Variants in SAP30L observed in about 807,000 individuals in gnomAD.
The protein encoded by SAP30L is SAP30 like.
In SAP30L, 10 loss-of-function variants were observed where a neutral mutation model predicts 22.3. That is an observed-to-expected ratio of 0.45 (90% CI 0.28 to 0.76). The LOEUF is 0.76. SAP30L is among the 30% of genes least tolerant of loss of function. SAP30L has a pLI of 0.14. For synonymous variants in SAP30L, 91 were observed against 94.1 expected, an observed-to-expected ratio of 0.97 and a Z score of 0.19; for missense variants, 206 against 237.9, an observed-to-expected ratio of 0.87 and a Z score of 0.88.
In SAP30L at chr5:154,451,174, T is replaced by C; in HGVS notation, c.285T>C (p.Asp95=). The change falls in exon 2 of 4, where the codon GAT becomes GAC. Residue 95 remains aspartate (D), a synonymous_variant. Coordinates refer to ENST00000297109, the MANE Select transcript of SAP30L (RefSeq NM_024632.6). ...RNKRKRKTSD[D]GGDSPEHDTD... The stretch of plus-strand genomic sequence containing the variant: ...AAAGGAAGAGGAAGACAAGTGACGA[T>C]GGCGGAGATTCTCCCGAGCACGACA... 1.2e-6 allele frequency: 2 copies of C among 1,614,182 alleles called. No individual in the cohort carries two copies. Among genetic ancestry groups the C allele is most frequent in the Non-Finnish European group, 8.5e-7 (1 of 1,180,026 alleles).
intron 1 of SAP30L, 56 bp downstream of exon 1, chr5:154,446,861 G>A (rs886540449): frequency 6.5e-5 from 96 of 1,483,490 alleles, no homozygotes; most frequent in Non-Finnish European, 8.6e-5. Context: ...TCCGTCCGCT[G>A]CCCTGGGCTC....
intron 3 of SAP30L, among the ~76,000 whole-genome samples, chr5:154,453,876 G>C (rs1470663531): frequency 1.3e-5 from 2 of 152,192 alleles, no homozygotes; most frequent in East Asian, 1.9e-4. Context: ...ACCCAGGCTA[G>C]AGTGCAGTGG....
At chr5:154,447,976 T>C (rs1183011555) in intron 1 of SAP30L, among the ~76,000 whole-genome samples, 1 of 114,156 alleles carries the variant, frequency 8.8e-6, no homozygotes, top group Non-Finnish European at 1.9e-5. Flanking sequence ...TTTCTTTTTT[T>C]TTTTTTTTTT....
At position 154,458,118 on chromosome 5, in the gene SAP30L, A is replaced by G. The variant is rs1247378756; in HGVS notation, c.*2090A>G. On this transcript the variant is annotated 3_prime_UTR_variant, in exon 4 of 4. Transcript: ENST00000297109. ...TATGATGGTAGGATCCATCTGTTCAATTGTGTCTGAAAGAATCTTTATTCC... is the reference window on the plus strand; with the variant it reads ...TATGATGGTAGGATCCATCTGTTCAGTTGTGTCTGAAAGAATCTTTATTCC... The G allele has an allele frequency of 2.0e-5, 3 of 152,210 alleles. No homozygotes were observed. Among genetic ancestry groups the G allele is most frequent in the Non-Finnish European group, 4.4e-5 (3 of 68,030 alleles). 9.4% of individuals were successfully genotyped at this position (152,210 alleles called of 1,614,324 possible). A position where few individuals can be genotyped will look rare whatever the true frequency, so the allele number is the denominator to read the frequency against.
intron 3 of SAP30L, among the ~76,000 whole-genome samples, chr5:154,453,760 C>G (rs1561702530): frequency 6.6e-6 from 1 of 152,200 alleles, no homozygotes; most frequent in Non-Finnish European, 1.5e-5. Flanking sequence ...AGAATTGAGC[C>G]TGGGATCTCA....
rs954382710 is a variant in SAP30L, at chr5:154,457,438, TTAAA to T, written c.*1414_*1417del. On this transcript the variant is annotated 3_prime_UTR_variant, in exon 4 of 4. Transcript: ENST00000297109. Reference sequence around the variant, plus strand: ...CAATTCTGAGTTAATTTCTTAAGCCTTAAATAATAAGAACAATGGACAGCCTGGC... The same window carrying T: ...CAATTCTGAGTTAATTTCTTAAGCCTTAATAAGAACAATGGACAGCCTGGC... 2.6e-5 allele frequency: 4 copies of T among 152,208 alleles called. No homozygotes were observed. The highest frequency in any genetic ancestry group is 9.7e-5 in the African/African-American group (4 of 41,450). The allele number at this position is 152,208 out of a possible 1,614,324, so 9.4% of individuals were successfully genotyped here.
At chr5:154,450,684 C>T (rs1386243135) in intron 1 of SAP30L, among the ~76,000 whole-genome samples, 1 of 152,136 alleles carries the variant, frequency 6.6e-6, no homozygotes, top group Non-Finnish European at 1.5e-5. Context: ...GACACTGTAC[C>T]CTGGGCCTCC....
chr5:154,455,955 A>G lies in SAP30L; in HGVS notation c.479A>G (p.Tyr160Cys), dbSNP rs762026271. Reference sequence around the variant, plus strand: ...GTGAATGAAAAAGAGACCCTTGCCTACTTCATCTACATGGTGAAGAGTAAC... The same window carrying G: ...GTGAATGAAAAAGAGACCCTTGCCTGCTTCATCTACATGGTGAAGAGTAAC... The part of the protein sequence containing the change: ...IPVNEKETLA[Y>C]FIYMVKSNKS... The change falls in exon 4 of 4, where the codon TAC (tyrosine) becomes TGC (cysteine). Residue 160 changes from tyrosine (Y) to cysteine (C), a missense_variant. By Grantham distance (194) the Tyr-to-Cys change is radical. Coordinates refer to ENST00000297109, the MANE Select transcript of SAP30L (RefSeq NM_024632.6). The G allele has an allele frequency of 6.2e-7, 1 of 1,614,144 alleles. No individual in the cohort carries two copies. The highest frequency in any genetic ancestry group is 1.1e-5 in the South Asian group (1 of 91,086).
Position 154,446,590 on chromosome 5 carries a change from G to T in SAP30L, c.-15G>T. On this transcript the variant is annotated 5_prime_UTR_variant, in exon 1 of 4. Transcript: ENST00000297109. ...CGGGGACCCTCCCCCAGAGGGACCG[G>T]CCCGGGGCGGGGAGATGAACGGCTT... 6.8e-7 allele frequency: 1 copy of T among 1,463,484 alleles called. No homozygotes were observed. The highest frequency in any genetic ancestry group is 1.4e-5 in the South Asian group (1 of 71,238). 90.7% of individuals were successfully genotyped at this position (1,463,484 alleles called of 1,614,324 possible). A position where few individuals can be genotyped will look rare whatever the true frequency, so the allele number is the denominator to read the frequency against.
intron 1 of SAP30L, among the ~76,000 whole-genome samples, chr5:154,447,228 C>T (rs1295959934): frequency 6.6e-6 from 1 of 152,214 alleles, no homozygotes; most frequent in Non-Finnish European, 1.5e-5. Flanking sequence ...AGAAAGGTGG[C>T]AGTTACTTCC....
At chr5:154,450,225 C>T (rs1485519418) in intron 1 of SAP30L, among the ~76,000 whole-genome samples, 1 of 152,250 alleles carries the variant, frequency 6.6e-6, no homozygotes, top group African/African-American at 2.4e-5. Flanking sequence ...CCTTCACTTA[C>T]CAGTGTGCCT....
intron 2 of SAP30L, among the ~76,000 whole-genome samples, chr5:154,452,007 T>A (rs1757151512): frequency 6.6e-6 from 1 of 152,190 alleles, no homozygotes; most frequent in South Asian, 2.1e-4. Context: ...CAGGTGCCCG[T>A]GTCTATTAAG....
rs1757319167 is a variant in SAP30L, at chr5:154,458,921, T to TA, written c.*2894dup. The TA allele has an allele frequency of 1.3e-5, 2 of 152,382 alleles. No homozygotes were observed. Among genetic ancestry groups the TA allele is most frequent in the African/African-American group, 4.8e-5 (2 of 41,592 alleles). The allele number at this position is 152,382 out of a possible 1,614,324, so 9.4% of individuals were successfully genotyped here. On this transcript the variant is annotated 3_prime_UTR_variant, in exon 4 of 4. Coordinates refer to ENST00000297109, the MANE Select transcript of SAP30L (RefSeq NM_024632.6). Reference sequence around the variant, plus strand: ...ATGAAGAGGAATTTTACTTACATGTTACAGCTGCCAAGTTTTTAGATGTTC... The same window carrying TA: ...ATGAAGAGGAATTTTACTTACATGTTAACAGCTGCCAAGTTTTTAGATGTTC...
rs1281003652 is a variant in SAP30L at position 154,456,225 on chromosome 5, ACT to A, written c.*200_*201del. The A allele has an allele frequency of 4.7e-6, 2 of 423,030 alleles. No homozygotes were observed. The highest frequency in any genetic ancestry group is 8.1e-6 in the Non-Finnish European group (2 of 246,204). 26.2% of individuals were successfully genotyped at this position (423,030 alleles called of 1,614,324 possible). ...TATAGAAAGACTTTCTTTTACGATA[ACT>A]CTGGACTAAAAAAATCAGGATCATT... On this transcript the variant is annotated 3_prime_UTR_variant, in exon 4 of 4. Coordinates refer to ENST00000297109, the MANE Select transcript of SAP30L (RefSeq NM_024632.6).
Position 154,460,474 on chromosome 5 carries a change from G to C in SAP30L, c.*4446G>C, listed in dbSNP as rs1042849878. ...CAGATGAGCTCAAGATCATGCCTTG[G>C]GAAGCATGGTGCTCTAGGGGTGCCT... On this transcript the variant is annotated 3_prime_UTR_variant, in exon 4 of 4. Transcript: ENST00000297109. 2.0e-5 allele frequency: 3 copies of C among 152,210 alleles called. No homozygotes were observed. Among genetic ancestry groups the C allele is most frequent in the Non-Finnish European group, 2.9e-5 (2 of 68,040 alleles). 9.4% of individuals were successfully genotyped at this position (152,210 alleles called of 1,614,324 possible). A position where few individuals can be genotyped will look rare whatever the true frequency, so the allele number is the denominator to read the frequency against.
chr5:154,446,655 C>T lies in SAP30L; in HGVS notation c.51C>T (p.Ala17=). ...EEDSREGPPA[A]PAAAAPGYGQ... Reference sequence around the variant, plus strand: ...ACAGCCGCGAAGGGCCCCCCGCCGCCCCAGCTGCCGCCGCCCCGGGCTACG... The same window carrying T: ...ACAGCCGCGAAGGGCCCCCCGCCGCTCCAGCTGCCGCCGCCCCGGGCTACG... Residue 17 remains alanine, a synonymous_variant, in exon 1 of 4, where the codon GCC becomes GCT. Coordinates refer to ENST00000297109, the MANE Select transcript of SAP30L (RefSeq NM_024632.6). 5 of 1,542,382 alleles carry T rather than the reference C, an allele frequency of 3.2e-6. No homozygotes were observed. The South Asian group carries it at 4.8e-5, about 15-fold the overall frequency.
rs74417315 is a variant in SAP30L, at chr5:154,454,509, C to CT, written c.423+1016dup. Reference sequence around the variant, plus strand: ...CCACTCTTTATGTCTAGTTCTCTGTCTTTTTTTATCTGTTTCAGCCACCTT... The same window carrying CT: ...CCACTCTTTATGTCTAGTTCTCTGTCTTTTTTTTATCTGTTTCAGCCACCTT... On this transcript the variant is annotated intron_variant, in intron 3 of 3. Coordinates refer to ENST00000297109, the MANE Select transcript of SAP30L (RefSeq NM_024632.6). 3.3e-5 allele frequency among the ~76,000 whole-genome samples: 5 copies of CT among 152,296 alleles called. No individual in the cohort carries two copies. In the East Asian group the frequency reaches 5.8e-4, roughly 18 times the overall value.
In SAP30L at chr5:154,446,736, C is replaced by G; in HGVS notation, c.132C>G (p.Asn44Lys). Residue 44 changes from asparagine to lysine, a missense_variant, in exon 1 of 4, where the codon AAC becomes AAG. Transcript: ENST00000297109. ...DGERCVRPAG[N>K]ASFSKRVQKS... ...AGCGCTGCGTCCGGCCCGCGGGCAA[C>G]GCCTCCTTCAGCAAGAGGGTCCAGA... 6.2e-7 allele frequency: 1 copy of G among 1,607,298 alleles called. No individual in the cohort carries two copies. The highest frequency in any genetic ancestry group is 8.5e-7 in the Non-Finnish European group (1 of 1,178,712).
rs766646993 is a variant in SAP30L, at chr5:154,458,523, C to G, written c.*2495C>G. ...GAAAGCAATGTTCATCTTGGCTGCT[C>G]CATTTTTATACCATCCATCAAGGAC... is the stretch of plus-strand genomic sequence containing the variant. On this transcript the variant is annotated 3_prime_UTR_variant, in exon 4 of 4. Coordinates refer to ENST00000297109, the MANE Select transcript of SAP30L (RefSeq NM_024632.6). 1.3e-5 allele frequency: 2 copies of G among 152,168 alleles called. No individual in the cohort carries two copies. Among genetic ancestry groups the G allele is most frequent in the Non-Finnish European group, 2.9e-5 (2 of 68,088 alleles). 9.4% of individuals were successfully genotyped at this position (152,168 alleles called of 1,614,324 possible).
Sources: gnomAD v4.1 joint callset for allele counts (sites outside exome capture counted in the v4.1 genomes callset) on GRCh38, gnomAD v4.1.1 for gene constraint, MANE v1.5 for transcripts, NCBI Gene and HGNC (gene_info 2026-07-23, HGNC 2026-07-21) for gene names.